Variants in CNTN6 observed in about 807,000 individuals in gnomAD.
CNTN6 encodes the protein contactin 6, also known as contactin-6.
CNTN6 carries 137 observed loss-of-function variants against 122.8 expected under a neutral mutation model. The ratio of observed to expected loss-of-function variants is 1.12; its 90% CI spans 0.97 to 1.29. The LOEUF is 1.29. Ranked by LOEUF, CNTN6 falls within the 50% of genes most tolerant of loss-of-function variation. The pLI is 0.00. For missense variants in CNTN6, 1,634 were observed against 1,223.4 expected, an observed-to-expected ratio of 1.34 and a Z score of -5.01; for synonymous variants, 570 against 426.0, an observed-to-expected ratio of 1.34 and a Z score of -4.16.
intron 2 of CNTN6, among the ~76,000 whole-genome samples, chr3:1,197,459 G>T (rs951093420): frequency 6.6e-6 from 1 of 152,194 alleles, no homozygotes; most frequent in Non-Finnish European, 1.5e-5. Context: ...TGTTGTGAGA[G>T]GCAGTAAGTG....
intron 5 of CNTN6, among the ~76,000 whole-genome samples, chr3:1,279,234 A>G (rs1357089616): frequency 6.6e-6 from 1 of 152,172 alleles, no homozygotes; most frequent in African/African-American, 2.4e-5. Context: ...GATCCAAACT[A>G]CTTACTGATT....
At chr3:1,230,038 A>T (rs1415456273) in intron 4 of CNTN6, among the ~76,000 whole-genome samples, 1 of 152,162 alleles carries the variant, frequency 6.6e-6, no homozygotes, top group East Asian at 1.9e-4. Context: ...AACAGAGAGT[A>T]AAGGGTATAA....
intron 20 of CNTN6, among the ~76,000 whole-genome samples, chr3:1,393,512 C>A (rs1694522949): frequency 7.3e-6 from 1 of 137,188 alleles, no homozygotes; most frequent in African/African-American, 2.8e-5. Flanking sequence ...ACATATGTAA[C>A]TAACCTGCAC....
intron 1 of CNTN6, among the ~76,000 whole-genome samples, chr3:1,143,762 C>T (rs970870967): frequency 1.3e-5 from 2 of 152,174 alleles, no homozygotes; most frequent in African/African-American, 2.4e-5. Flanking sequence ...AAACATCTTT[C>T]GGGCTTTGGC....
At chr3:1,290,070 C>G (rs1436442819) in intron 5 of CNTN6, among the ~76,000 whole-genome samples, 1 of 152,204 alleles carries the variant, frequency 6.6e-6, no homozygotes, top group Admixed American at 6.5e-5. Context: ...GATTTCCTGG[C>G]TCCTCCCCAG....
At chr3:1,394,017 G>T (rs544840497) in intron 20 of CNTN6, among the ~76,000 whole-genome samples, 19 of 152,164 alleles carry the variant, frequency 1.2e-4, no homozygotes, top group Admixed American at 1.2e-3. Context: ...GGGTGGATCT[G>T]ATTGCCCAGA....
At chr3:1,150,691 G>T (rs747000388) in intron 2 of CNTN6, among the ~76,000 whole-genome samples, 19 of 152,138 alleles carry the variant, frequency 1.2e-4, no homozygotes, top group African/African-American at 4.6e-4. Flanking sequence ...TCATTGATAT[G>T]CATGACAGGC....
intron 19 of CNTN6, among the ~76,000 whole-genome samples, chr3:1,384,970 G>C (rs1219913547): frequency 6.6e-6 from 1 of 150,762 alleles, no homozygotes; most frequent in Non-Finnish European, 1.5e-5. Flanking sequence ...TTCTCTCTGA[G>C]CTCTACTCCC....
intron 11 of CNTN6, among the ~76,000 whole-genome samples, chr3:1,331,763 C>G (rs1702322915): frequency 6.6e-6 from 1 of 150,980 alleles, no homozygotes; most frequent in Non-Finnish European, 1.5e-5. Flanking sequence ...CTTTAAAGGT[C>G]CAAACACGAA....
intron 4 of CNTN6, among the ~76,000 whole-genome samples, chr3:1,259,090 G>A (rs1337586684): frequency 6.6e-6 from 1 of 152,138 alleles, no homozygotes; most frequent in African/African-American, 2.4e-5. Flanking sequence ...CAGAGCACTG[G>A]AGTTCACTCA....
chr3:1,169,320 G>C (rs887298367), intron 2 of CNTN6, among the ~76,000 whole-genome samples: 4 of 152,178 alleles, frequency 2.6e-5, no homozygotes, highest in Non-Finnish European at 5.9e-5. Flanking sequence ...CTGTGGTCAG[G>C]TGTGGGGAAG....
Position 1,160,344 on chromosome 3 carries a change from G to GTA in CNTN6, c.55+12304_55+12305dup, listed in dbSNP as rs56703431. 7.6e-3 allele frequency among the ~76,000 whole-genome samples: 843 copies of GTA among 111,098 alleles called. 30 individuals are homozygous for GTA. Among genetic ancestry groups the GTA allele is most frequent in the African/African-American group, 0.014 (405 of 28,050 alleles). The allele number at this position is 111,098 out of a possible 152,430, so 72.9% of individuals were successfully genotyped here. A position where few individuals can be genotyped will look rare whatever the true frequency, so the allele number is the denominator to read the frequency against. ...TCTCATCACACAATTTACTTTTACTGTATATATATATATATATATATATAC... is the reference window on the plus strand; with the variant it reads ...TCTCATCACACAATTTACTTTTACTGTATATATATATATATATATATATATAC... On this transcript the variant is annotated intron_variant, in intron 2 of 22. Coordinates refer to ENST00000446702, the MANE Select transcript of CNTN6 (RefSeq NM_001289080.2).
At chr3:1,379,699 G>T (rs1413160642) in intron 17 of CNTN6, among the ~76,000 whole-genome samples, 2 of 152,106 alleles carry the variant, frequency 1.3e-5, no homozygotes, top group African/African-American at 4.8e-5. Context: ...TCCTGAGGAG[G>T]AGGTGGGGGG....
intron 12 of CNTN6, among the ~76,000 whole-genome samples, chr3:1,358,336 A>T (rs1320550087): frequency 6.6e-6 from 1 of 151,970 alleles, no homozygotes; most frequent in East Asian, 1.9e-4. Flanking sequence ...TTTAGTTAAG[A>T]ATTGGAAATT....
At chr3:1,279,512 C>T (rs1219349777) in intron 5 of CNTN6, among the ~76,000 whole-genome samples, 2 of 152,140 alleles carry the variant, frequency 1.3e-5, no homozygotes, top group Admixed American at 6.5e-5. Context: ...GTTTTACAGG[C>T]TCAGTACACT....
chr3:1,348,908 C>T (rs538780143), intron 11 of CNTN6, among the ~76,000 whole-genome samples: 1 of 152,084 alleles, frequency 6.6e-6, no homozygotes, highest in South Asian at 2.1e-4. Context: ...GCAGAACCAG[C>T]TCCCTATAAT....
chr3:1,367,625 T>A (rs540836535), intron 12 of CNTN6, among the ~76,000 whole-genome samples: 1 of 152,060 alleles, frequency 6.6e-6, no homozygotes, highest in Non-Finnish European at 1.5e-5. Context: ...CATACCCACA[T>A]GCATATGTGG....
intron 2 of CNTN6, among the ~76,000 whole-genome samples, chr3:1,166,414 C>T (rs756177465): frequency 2.1e-4 from 32 of 152,064 alleles, no homozygotes; most frequent in Non-Finnish European, 3.4e-4. Context: ...AATTTCTAGG[C>T]TTAGTGGAGT....
At chr3:1,367,546 G>C (rs1209079635) in intron 12 of CNTN6, among the ~76,000 whole-genome samples, 1 of 151,678 alleles carries the variant, frequency 6.6e-6, no homozygotes. Flanking sequence ...AACACAAATT[G>C]AGAGGTAAAA....
Sources: gnomAD v4.1 joint callset for allele counts (sites outside exome capture counted in the v4.1 genomes callset) on GRCh38, gnomAD v4.1.1 for gene constraint, MANE v1.5 for transcripts, NCBI Gene and HGNC (gene_info 2026-07-23, HGNC 2026-07-21) for gene names.